Variants in HHLA2 observed in about 807,000 individuals in gnomAD.
HHLA2 encodes HERV-H LTR-associating protein 2.
A neutral mutation model predicts 45.9 loss-of-function variants in HHLA2; 48 were observed. The ratio of observed to expected loss-of-function variants is 1.05; its 90% CI spans 0.83 to 1.33. The LOEUF is 1.33. Ranked by LOEUF, HHLA2 falls within the 40% of genes most tolerant of loss-of-function variation. The pLI is 0.00. For missense variants in HHLA2, 462 were observed against 494.3 expected, an observed-to-expected ratio of 0.93 and a Z score of 0.62; for synonymous variants, 161 against 173.9, an observed-to-expected ratio of 0.93 and a Z score of 0.59.
At chr3:108,313,279 C>A (rs376289520) in intron 2 of HHLA2, among the ~76,000 whole-genome samples, 1 of 152,094 alleles carries the variant, frequency 6.6e-6, no homozygotes, top group Non-Finnish European at 1.5e-5. Flanking sequence ...CTTGTACCAA[C>A]GAGCAGGATT....
chr3:108,377,382 A>G (rs766370471), exon 11 of HHLA2: 2 of 763,620 alleles, frequency 2.6e-6, no homozygotes, highest in African/African-American at 1.8e-5. Flanking sequence ...CTGTCGGAGC[A>G]GACAATTCTA....
intron 3 of HHLA2, among the ~76,000 whole-genome samples, chr3:108,342,140 G>A (rs940772649): frequency 1.3e-5 from 2 of 152,094 alleles, no homozygotes; most frequent in Non-Finnish European, 2.9e-5. Flanking sequence ...AATGGTACTG[G>A]TGTCTGTCAC....
intron 3 of HHLA2, among the ~76,000 whole-genome samples, chr3:108,346,683 A>G (rs559341058): frequency 6.6e-6 from 1 of 152,196 alleles, no homozygotes. Flanking sequence ...ATAACATTAT[A>G]TGTTTTTATC....
chr3:108,369,728 C>A, intron 8 of HHLA2, among the ~76,000 whole-genome samples: 1 of 152,218 alleles, frequency 6.6e-6, no homozygotes, highest in Admixed American at 6.5e-5. Context: ...GCACAGCAGT[C>A]TGAGATCAAA....
intron 3 of HHLA2, among the ~76,000 whole-genome samples, chr3:108,350,409 A>G (rs988892005): frequency 1.3e-5 from 2 of 152,178 alleles, no homozygotes; most frequent in Non-Finnish European, 2.9e-5. Context: ...TAACTTTCTT[A>G]TAGTCTTTAA....
intron 2 of HHLA2, among the ~76,000 whole-genome samples, chr3:108,319,199 A>C (rs191658193): frequency 5.3e-5 from 8 of 151,850 alleles, no homozygotes; most frequent in Admixed American, 3.9e-4. Flanking sequence ...CCATAGTGAT[A>C]GCTAGTAAAA....
At chr3:108,348,777 T>A (rs1023715840) in intron 3 of HHLA2, among the ~76,000 whole-genome samples, 5 of 152,106 alleles carry the variant, frequency 3.3e-5, no homozygotes, top group African/African-American at 1.2e-4. Context: ...TAGGTATTTA[T>A]CCTAATGTTA....
chr3:108,321,939 T>A (rs1176573352), intron 2 of HHLA2, among the ~76,000 whole-genome samples: 12 of 152,218 alleles, frequency 7.9e-5, no homozygotes, highest in Admixed American at 7.9e-4. Flanking sequence ...GCCATTCTGT[T>A]CCTTTTTTAT....
chr3:108,339,746 C>T (rs1335880936), intron 3 of HHLA2, among the ~76,000 whole-genome samples: 2 of 152,078 alleles, frequency 1.3e-5, no homozygotes, highest in Admixed American at 6.6e-5. Flanking sequence ...TTTTTACTTA[C>T]GTGGTCTGCT....
chr3:108,373,731 G>T (rs1256339488), intron 8 of HHLA2, among the ~76,000 whole-genome samples: 63 of 148,144 alleles, frequency 4.3e-4, no homozygotes, highest in African/African-American at 5.4e-4. Context: ...ATTCACAATT[G>T]CTTCAAAGAG....
At chr3:108,302,578 C>T (rs1287338424) in intron 1 of HHLA2, 1 of 152,122 alleles carries the variant, frequency 6.6e-6, no homozygotes, top group Non-Finnish European at 1.5e-5. Flanking sequence ...TCATTTTCCC[C>T]AATTCAAGTT....
intron 2 of HHLA2, among the ~76,000 whole-genome samples, chr3:108,316,428 G>A (rs576639832): frequency 6.6e-6 from 1 of 152,260 alleles, no homozygotes; most frequent in African/African-American, 2.4e-5. Flanking sequence ...TATCATTTAT[G>A]GAAAAGTAAG....
At chr3:108,312,441 C>A (rs2081035606) in intron 2 of HHLA2, among the ~76,000 whole-genome samples, 1 of 152,212 alleles carries the variant, frequency 6.6e-6, no homozygotes, top group Non-Finnish European at 1.5e-5. Flanking sequence ...CCCAGATCCC[C>A]TTTTCTAGGC....
At chr3:108,348,316 C>T (rs1409890808) in intron 3 of HHLA2, among the ~76,000 whole-genome samples, 4 of 151,964 alleles carry the variant, frequency 2.6e-5, no homozygotes, top group African/African-American at 7.3e-5. Context: ...AATGCTGCTA[C>T]GAGGTTGAGT....
At chr3:108,343,423 G>C (rs904919859) in intron 3 of HHLA2, among the ~76,000 whole-genome samples, 6 of 152,200 alleles carry the variant, frequency 3.9e-5, no homozygotes, top group East Asian at 1.9e-4. Flanking sequence ...TTGTGTACCA[G>C]CTAGTCAGGT....
At chr3:108,309,571 C>T (rs2107306687) in intron 1 of HHLA2, among the ~76,000 whole-genome samples, 1 of 152,108 alleles carries the variant, frequency 6.6e-6, no homozygotes, top group Admixed American at 6.5e-5. Context: ...AGGTATAATG[C>T]TCAGGTAATT....
At chr3:108,340,906 TTTTTCC>T (rs1189838095) in intron 3 of HHLA2, among the ~76,000 whole-genome samples, 60 of 12,500 alleles carry the variant, frequency 4.8e-3, no homozygotes, top group Admixed American at 0.017. Flanking sequence ...TTTTTTTTTT[TTTTTCC>T]TTCCTTCCTT....
intron 8 of HHLA2, among the ~76,000 whole-genome samples, chr3:108,369,066 A>G (rs2082117770): frequency 6.6e-6 from 1 of 152,236 alleles, no homozygotes. Flanking sequence ...AGGATTAAGA[A>G]ACTCACTCAG....
At chr3:108,367,090 T>A (rs1488320681) in intron 8 of HHLA2, among the ~76,000 whole-genome samples, 3 of 152,122 alleles carry the variant, frequency 2.0e-5, no homozygotes, top group Non-Finnish European at 4.4e-5. Context: ...TCCAGAAAAC[T>A]GCAGCAGACC....
Sources: allele counts gnomAD v4.1 joint callset (sites outside exome capture counted in the v4.1 genomes callset), GRCh38; gene constraint gnomAD v4.1.1; transcripts MANE v1.5; gene names NCBI Gene and HGNC (gene_info 2026-07-23, HGNC 2026-07-21).